The following CACNA1E variants were observed in gnomAD, a reference collection of about 807,000 sequenced individuals.
CACNA1E encodes voltage-dependent R-type calcium channel subunit alpha-1E.
Under a neutral mutation model 259.2 loss-of-function variants are expected in CACNA1E, and 40 were observed. That is an observed-to-expected ratio of 0.15 (90% confidence interval 0.12 to 0.20). The LOEUF (loss-of-function observed/expected upper bound fraction) is 0.20, where lower values mean the gene tolerates loss of function less well. Ranked by LOEUF, CACNA1E falls within the 10% of genes least tolerant of loss-of-function variation. CACNA1E has a pLI of 1.00. For missense variants in CACNA1E, 1,874 were observed against 3,040.1 expected (o/e 0.62, Z 9.02); for synonymous variants, 1,104 against 1,138.5 (o/e 0.97, Z 0.61).
intron 3 of CACNA1E, among the ~76,000 whole-genome samples, chr1:181,550,370 G>T (rs1647995272): frequency 1.3e-5 from 2 of 152,192 alleles, no homozygotes; most frequent in Non-Finnish European, 2.9e-5. Context: ...CTGGAGCTTG[G>T]GACAGGTCTG....
intron 1 of CACNA1E, among the ~76,000 whole-genome samples, chr1:181,397,177 G>A (rs530975684): frequency 1.3e-5 from 2 of 152,316 alleles, no homozygotes; most frequent in African/African-American, 4.8e-5. Context: ...CTCTGGGAGG[G>A]TCAAGAGCAT....
intron 1 of CACNA1E, among the ~76,000 whole-genome samples, chr1:181,349,789 T>C (rs1359341737): frequency 6.6e-6 from 1 of 152,018 alleles, no homozygotes; most frequent in Non-Finnish European, 1.5e-5. Context: ...TGTGTGTGTA[T>C]AGGGGTATTG....
chr1:181,666,358 C>A (rs180744356), intron 7 of CACNA1E, among the ~76,000 whole-genome samples: 2 of 152,174 alleles, frequency 1.3e-5, no homozygotes, highest in African/African-American at 4.8e-5. Context: ...GGGAACAAAA[C>A]AAAAATCCCT....
intron 1 of CACNA1E, among the ~76,000 whole-genome samples, chr1:181,358,166 G>T (rs1289482509): frequency 1.3e-5 from 2 of 152,186 alleles, no homozygotes; most frequent in African/African-American, 4.8e-5. Flanking sequence ...TCTCTACGTG[G>T]AAGGGGCCAG....
rs776757923 is a variant in CACNA1E at position 181,726,156 on chromosome 1, C to T, written c.2234C>T (p.Ser745Leu). ...CCGATGTCTGCACCCAACATGCCTT[C>T]GATCGAGTGAGTCAGCTGCCCCCTT... ...VSPMSAPNMP[S>L]IERDRRRRHH... Residue 745 changes from serine to leucine, a missense_variant, in exon 18 of 48, where the codon TCG becomes TTG. This residue lies in a region of CACNA1E where 476 missense variants were observed against 514.0 expected (regional missense o/e 0.93). Transcript: ENST00000367573. 8 of 1,610,258 alleles carry T rather than the reference C, an allele frequency of 5.0e-6. No homozygotes were observed. Among genetic ancestry groups the T allele is most frequent in the Middle Eastern group, 1.7e-4 (1 of 6,058 alleles).
intron 2 of CACNA1E, among the ~76,000 whole-genome samples, chr1:181,451,042 A>G (rs1558014431): frequency 6.6e-6 from 1 of 152,208 alleles, no homozygotes; most frequent in Non-Finnish European, 1.5e-5. Context: ...GGCTACAGAG[A>G]CAGAGAAGGC....
At chr1:181,782,700 G>A (rs980101427) in intron 39 of CACNA1E, among the ~76,000 whole-genome samples, 2 of 152,134 alleles carry the variant, frequency 1.3e-5, no homozygotes, top group African/African-American at 2.4e-5. Context: ...GCCCCAGATA[G>A]CATCTCACTG....
At position 181,805,360 on chromosome 1, in the gene CACNA1E, G is replaced by C. The variant is rs932712199; in HGVS notation, c.*6526G>C. On this transcript the variant is annotated 3_prime_UTR_variant, in exon 48 of 48. Transcript: ENST00000367573. ...AACCACCACTTAAAGCAAATCTGTT[G>C]AACATTTTTATAAGGGATGAGCAAG... 1.3e-5 allele frequency: 2 copies of C among 152,086 alleles called. No individual in the cohort carries two copies. The highest frequency in any genetic ancestry group is 2.9e-5 in the Non-Finnish European group (2 of 68,012). The allele number at this position is 152,086 out of a possible 1,614,324, so 9.4% of individuals were successfully genotyped here.
chr1:181,691,899 A>G (rs1351450438), intron 7 of CACNA1E, among the ~76,000 whole-genome samples: 1 of 152,088 alleles, frequency 6.6e-6, no homozygotes, highest in Non-Finnish European at 1.5e-5. Flanking sequence ...AACAATAACA[A>G]TTCTACATCT....
intron 6 of CACNA1E, among the ~76,000 whole-genome samples, chr1:181,590,250 G>A (rs1389210547): frequency 6.6e-6 from 1 of 151,624 alleles, no homozygotes; most frequent in Non-Finnish European, 1.5e-5. Context: ...AGGTACTAGG[G>A]GCCCCATTTA....
At chr1:181,395,875 T>C (rs1024373411) in intron 1 of CACNA1E, among the ~76,000 whole-genome samples, 9 of 152,374 alleles carry the variant, frequency 5.9e-5, no homozygotes, top group South Asian at 4.1e-4. Flanking sequence ...CAAGTGTATT[T>C]GCTATCTATC....
Position 181,798,505 on chromosome 1 carries a change from G to A in CACNA1E, c.6613G>A (p.Ala2205Thr). ...CTCCCAAGCTCTGGAGAGCAACAAT[G>A]CTTGCCTGACCGAGTCTTCCAACTC... is the stretch of plus-strand genomic sequence containing the variant. ...LTSQALESNN[A>T]CLTESSNSPH... The change falls in exon 48 of 48, where the codon GCT becomes ACT. Residue 2205 changes from alanine (A) to threonine (T), a missense_variant. Physicochemically the swap from Ala to Thr is moderately conservative, Grantham distance 58. Coordinates refer to ENST00000367573, the MANE Select transcript of CACNA1E (RefSeq NM_001205293.3). The surrounding 1 kb of genome is among the most constrained non-coding windows in gnomAD (Gnocchi z 4.2). 1 of 1,613,900 alleles carries A rather than the reference G, an allele frequency of 6.2e-7. No homozygotes were observed. Among genetic ancestry groups the A allele is most frequent in the Middle Eastern group, 1.6e-4 (1 of 6,062 alleles).
At chr1:181,492,249 G>A (rs1283121410) in intron 1 of CACNA1E, among the ~76,000 whole-genome samples, 19 of 152,158 alleles carry the variant, frequency 1.2e-4, no homozygotes. Flanking sequence ...TGACCCCCTA[G>A]GTACCACAGA....
At chr1:181,528,056 C>T (rs1667492072) in intron 3 of CACNA1E, among the ~76,000 whole-genome samples, 1 of 151,878 alleles carries the variant, frequency 6.6e-6, no homozygotes, top group Non-Finnish European at 1.5e-5. Context: ...CCCCATCTTT[C>T]CACTTCTGAT....
At chr1:181,395,687 G>A (rs144355858) in intron 1 of CACNA1E, among the ~76,000 whole-genome samples, 10 of 152,260 alleles carry the variant, frequency 6.6e-5, no homozygotes, top group African/African-American at 1.2e-4. Flanking sequence ...GGTTAAGAGC[G>A]GCATGAGGGC....
intron 25 of CACNA1E, among the ~76,000 whole-genome samples, chr1:181,743,187 T>G (rs1656739623): frequency 6.6e-6 from 1 of 152,170 alleles, no homozygotes; most frequent in Non-Finnish European, 1.5e-5. Flanking sequence ...CTGGGCCACA[T>G]GGAGACAGAG....
intron 1 of CACNA1E, among the ~76,000 whole-genome samples, chr1:181,330,377 A>G (rs949418390): frequency 1.3e-5 from 2 of 151,634 alleles, no homozygotes; most frequent in East Asian, 1.9e-4. Context: ...GGCTGAAACC[A>G]TAGGCTGAAG....
At chr1:181,388,907 T>C (rs1021791041) in intron 1 of CACNA1E, among the ~76,000 whole-genome samples, 1 of 149,514 alleles carries the variant, frequency 6.7e-6, no homozygotes, top group Non-Finnish European at 1.5e-5. Context: ...AAAAAAAACG[T>C]GTTATGATCT....
At chr1:181,631,756 T>G (rs1239615846) in intron 6 of CACNA1E, among the ~76,000 whole-genome samples, 1 of 152,208 alleles carries the variant, frequency 6.6e-6, no homozygotes, top group Non-Finnish European at 1.5e-5. Flanking sequence ...ACTGGCAAAA[T>G]GCCCATTTTA....
Sources: gnomAD v4.1 joint callset for allele counts (sites outside exome capture counted in the v4.1 genomes callset) on GRCh38, gnomAD v4.1.1 for gene constraint, gnomAD v4.1.1 regional missense constraint, Gnocchi (gnomAD v3.1) non-coding constraint, MANE v1.5 for transcripts, NCBI Gene and HGNC (gene_info 2026-07-23, HGNC 2026-07-21) for gene names.